DISP1: variants seen among roughly 807,000 people sequenced by gnomAD.
DISP1 encodes dispatched RND transporter family member 1, also known as protein dispatched homolog 1.
A neutral mutation model predicts 37.3 loss-of-function variants in DISP1; 30 were observed. That is an observed-to-expected ratio of 0.80 (90% CI 0.60 to 1.09). DISP1 has a LOEUF of 1.09. Among genes scored for constraint, DISP1 ranks in the 50% least tolerant of loss-of-function variants. DISP1 has a pLI of 0.00. For synonymous variants in DISP1, 634 were observed against 690.2 expected, an observed-to-expected ratio of 0.92 and a Z score of 1.28; for missense variants, 1,598 against 1,879.5, an observed-to-expected ratio of 0.85 and a Z score of 2.77.
intron 1 of DISP1, among the ~76,000 whole-genome samples, chr1:222,925,015 C>T (rs1225498801): frequency 6.6e-6 from 1 of 152,060 alleles, no homozygotes; most frequent in Non-Finnish European, 1.5e-5. Flanking sequence ...AATATTAGAA[C>T]ATCGTAAGGT....
chr1:222,997,251 C>G (rs1679141687), intron 8 of DISP1, among the ~76,000 whole-genome samples: 2 of 152,178 alleles, frequency 1.3e-5, no homozygotes, highest in Non-Finnish European at 1.5e-5. Flanking sequence ...GCACACCCCA[C>G]AATCTTGTAC....
At chr1:222,910,819 A>C (rs912737894) in intron 1 of DISP1, among the ~76,000 whole-genome samples, 4 of 152,222 alleles carry the variant, frequency 2.6e-5, no homozygotes, top group African/African-American at 9.6e-5. Flanking sequence ...GAGGCTGTGC[A>C]GTGAAAAAGA....
intron 4 of DISP1, chr1:222,989,493 A>G (rs1678527478): frequency 1.0e-6 from 1 of 985,440 alleles, no homozygotes; most frequent in Non-Finnish European, 1.2e-6. Flanking sequence ...GACCTCATGG[A>G]AGGGATACAG....
intron 1 of DISP1, among the ~76,000 whole-genome samples, chr1:222,851,797 C>G (rs1372751320): frequency 7.3e-6 from 1 of 136,648 alleles, no homozygotes; most frequent in African/African-American, 2.7e-5. Flanking sequence ...TTTTCCATTT[C>G]TGTGTGAAAT....
intron 1 of DISP1, among the ~76,000 whole-genome samples, chr1:222,835,959 A>C (rs1666922467): frequency 6.6e-6 from 1 of 151,704 alleles, no homozygotes; most frequent in Non-Finnish European, 1.5e-5. Flanking sequence ...TTGTCTCAAA[A>C]AAAAAAAAAA....
At chr1:222,920,065 A>G (rs1672726886) in intron 1 of DISP1, among the ~76,000 whole-genome samples, 1 of 152,108 alleles carries the variant, frequency 6.6e-6, no homozygotes, top group South Asian at 2.1e-4. Flanking sequence ...GTTTGCATGT[A>G]TTTTTATTTC....
intron 1 of DISP1, among the ~76,000 whole-genome samples, chr1:222,891,256 T>C (rs1426841705): frequency 6.6e-6 from 1 of 151,948 alleles, no homozygotes; most frequent in Admixed American, 6.6e-5. Flanking sequence ...ATTTTGAAGG[T>C]AGAATAGATA....
intron 1 of DISP1, among the ~76,000 whole-genome samples, chr1:222,827,910 G>A (rs1558280094): frequency 6.6e-6 from 1 of 152,186 alleles, no homozygotes; most frequent in Non-Finnish European, 1.5e-5. Flanking sequence ...CTATGTAATA[G>A]TTGTGATACT....
intron 1 of DISP1, among the ~76,000 whole-genome samples, chr1:222,870,803 C>G (rs535601503): frequency 2.6e-5 from 4 of 152,260 alleles, no homozygotes; most frequent in Admixed American, 2.6e-4. Flanking sequence ...AATTAGATGC[C>G]ATTTGTCAAT....
intron 1 of DISP1, among the ~76,000 whole-genome samples, chr1:222,915,397 G>A (rs184850956): frequency 6.3e-4 from 96 of 152,274 alleles, no homozygotes; most frequent in Middle Eastern, 3.4e-3. Context: ...ATGCTGCATT[G>A]CCTAATATCC....
Position 222,850,235 on chromosome 1 carries a change from A to G in DISP1, c.-159+35157A>G, listed in dbSNP as rs187999991. On this transcript the variant is annotated intron_variant, in intron 1 of 8. Coordinates refer to ENST00000675850, the MANE Select transcript of DISP1 (RefSeq NM_001377229.1). ...TTTTTTCCTTGTGCATTTTCCCTCC[A>G]TTTTTCTCTCTTTTGCTAACCCTCT... Among the ~76,000 whole-genome samples the G allele has an allele frequency of 4.6e-5, 7 of 151,704 alleles. No individual in the cohort carries two copies. In the East Asian group the frequency reaches 1.4e-3, roughly 29 times the overall value.
chr1:222,855,292 A>T (rs1668487069), intron 1 of DISP1, among the ~76,000 whole-genome samples: 2 of 152,200 alleles, frequency 1.3e-5, no homozygotes, highest in Non-Finnish European at 2.9e-5. Flanking sequence ...GCAGGGACAA[A>T]TAACACTTGA....
intron 1 of DISP1, among the ~76,000 whole-genome samples, chr1:222,910,032 G>A (rs1672124515): frequency 6.6e-6 from 1 of 152,310 alleles, no homozygotes; most frequent in South Asian, 2.1e-4. Flanking sequence ...GTTGCCTGCT[G>A]GTTCTGTAAT....
chr1:222,834,760 A>C (rs528940811), intron 1 of DISP1, among the ~76,000 whole-genome samples: 1 of 152,118 alleles, frequency 6.6e-6, no homozygotes, highest in Non-Finnish European at 1.5e-5. Flanking sequence ...CCTGAGAGTG[A>C]ATTATTTGAC....
chr1:222,949,130 G>C (rs563385362), intron 3 of DISP1, among the ~76,000 whole-genome samples: 5 of 152,148 alleles, frequency 3.3e-5, no homozygotes, highest in Admixed American at 6.5e-5. Context: ...GTGGTGGCTT[G>C]AGCTTGTAAT....
intron 1 of DISP1, among the ~76,000 whole-genome samples, chr1:222,897,049 G>A (rs1414147372): frequency 1.3e-5 from 2 of 152,204 alleles, no homozygotes; most frequent in Admixed American, 1.3e-4. Flanking sequence ...ACTTATGAGT[G>A]TCCATGTGAA....
At chr1:222,990,598 T>C (rs1248378617) in intron 4 of DISP1, 27 bp from the exon 5 acceptor site, 11 of 1,613,688 alleles carry the variant, frequency 6.8e-6, no homozygotes, top group South Asian at 1.1e-5. Context: ...GCAGCTCTGA[T>C]AGCCGACACT....
rs1354159440 is a variant in DISP1 at position 222,936,949 on chromosome 1, A to G, written c.-17-5858A>G. Reference sequence around the variant, plus strand: ...TAATATGTAATATATATTATATATTACATATTATATTATTTATAAATAATA... The same window carrying G: ...TAATATGTAATATATATTATATATTGCATATTATATTATTTATAAATAATA... On this transcript the variant is annotated intron_variant, in intron 2 of 8. Coordinates refer to ENST00000675850, the MANE Select transcript of DISP1 (RefSeq NM_001377229.1). Among the ~76,000 whole-genome samples, 9 of 85,484 alleles carry G rather than the reference A, an allele frequency of 1.1e-4. No individual in the cohort carries two copies. The Admixed American group carries it at 1.2e-3, about 12-fold the overall frequency. 56.1% of individuals were successfully genotyped at this position (85,484 alleles called of 152,430 possible).
chr1:222,957,954 A>C (rs970987374), intron 3 of DISP1, among the ~76,000 whole-genome samples: 1 of 152,364 alleles, frequency 6.6e-6, no homozygotes, highest in Admixed American at 6.5e-5. Context: ...TTTTGAGTTC[A>C]TATGGAATTG....
Sources: allele counts gnomAD v4.1 joint callset (sites outside exome capture counted in the v4.1 genomes callset), GRCh38; gene constraint gnomAD v4.1.1; transcripts MANE v1.5; gene names NCBI Gene and HGNC (gene_info 2026-07-23, HGNC 2026-07-21).